The following SLC6A16 variants were observed in gnomAD, a reference collection of about 807,000 sequenced individuals.
SLC6A16 encodes solute carrier family 6 member 16.
A neutral mutation model predicts 65.4 loss-of-function variants in SLC6A16; 54 were observed. The observed-to-expected ratio is 0.83, with a 90% CI of 0.66 to 1.04. The LOEUF is 1.04. Ranked by LOEUF, SLC6A16 falls within the 50% of genes least tolerant of loss-of-function variation. The pLI, the probability that SLC6A16 is intolerant of heterozygous loss-of-function variation, is 0.00. For synonymous variants in SLC6A16, 330 were observed against 346.5 expected, an observed-to-expected ratio of 0.95 and a Z score of 0.53; for missense variants, 816 against 914.0, an observed-to-expected ratio of 0.89 and a Z score of 1.38.
upstream of SLC6A16, among the ~76,000 whole-genome samples, chr19:49,325,723 T>C (rs894128798): frequency 2.0e-5 from 3 of 152,240 alleles, no homozygotes; most frequent in Admixed American, 2.0e-4. Context: ...ACTCCAATAA[T>C]TTATGAGTTA....
chr19:49,320,626 C>T (rs893596912), intron 1 of SLC6A16, among the ~76,000 whole-genome samples: 1 of 151,582 alleles, frequency 6.6e-6, no homozygotes, highest in Admixed American at 6.6e-5. Flanking sequence ...ACTAGATGTA[C>T]TAAGAAAAAA....
At chr19:49,295,690 C>A (rs947041390) in intron 7 of SLC6A16, among the ~76,000 whole-genome samples, 1 of 152,092 alleles carries the variant, frequency 6.6e-6, no homozygotes, top group African/African-American at 2.4e-5. Flanking sequence ...ATACTTTGTC[C>A]CAAAGATGTA....
At chr19:49,294,682 G>A in intron 7 of SLC6A16, 129 bp from the exon 8 acceptor site, 1 of 868,078 alleles carries the variant, frequency 1.2e-6, no homozygotes, top group Non-Finnish European at 1.7e-6. Context: ...GATAGAGCCT[G>A]GGATGAATCC....
the SLC6A16 span, chr19:49,340,246 TA>T: frequency 6.2e-7 from 1 of 1,610,044 alleles, no homozygotes; most frequent in Non-Finnish European, 8.5e-7. Flanking sequence ...CTCCTTTCTC[TA>T]TAGCTCGGGT....
At chr19:49,298,996 C>T (rs1180235741) in intron 7 of SLC6A16, among the ~76,000 whole-genome samples, 1 of 152,134 alleles carries the variant, frequency 6.6e-6, no homozygotes, top group African/African-American at 2.4e-5. Flanking sequence ...CCTGTAATCC[C>T]AGCATTTGGG....
chr19:49,310,452 G>A lies in SLC6A16; in HGVS notation c.474C>T (p.Phe158=). 3.1e-6 allele frequency: 5 copies of A among 1,614,160 alleles called. No homozygotes were observed. Among genetic ancestry groups the A allele is most frequent in the South Asian group, 1.1e-5 (1 of 91,074 alleles). The change falls in exon 3 of 12, where the codon TTC becomes TTT. Residue 158 remains phenylalanine (F), a synonymous_variant. Transcript: ENST00000335875. The part of the protein sequence containing the change: ...MLFLVGVPLL[F]LEMAAGQSMR... ...TGCTCTGACCAGCTGCCATCTCCAG[G>A]AAGAGAAGAGGAACCCCGACCAGGA... is the stretch of plus-strand genomic sequence containing the variant.
At chr19:49,309,966 T>C (rs1970480301) in intron 4 of SLC6A16, 74 bp downstream of exon 4, 1 of 1,545,338 alleles carries the variant, frequency 6.5e-7, no homozygotes, top group Admixed American at 1.7e-5. Flanking sequence ...CTCCCCACTC[T>C]CTCCTATTCC....
intron 7 of SLC6A16, among the ~76,000 whole-genome samples, chr19:49,299,840 T>C (rs1279674190): frequency 1.3e-5 from 2 of 151,488 alleles, no homozygotes; most frequent in Admixed American, 6.6e-5. Context: ...CTGGCCAACA[T>C]GGTGAAACCC....
chr19:49,294,857 C>T (rs1355727612), intron 7 of SLC6A16, among the ~76,000 whole-genome samples: 1 of 152,100 alleles, frequency 6.6e-6, no homozygotes, highest in African/African-American at 2.4e-5. Context: ...TCCCTCTCCA[C>T]TGAGACTAAC....
chr19:49,327,585 G>A (rs1403981692), upstream of SLC6A16, among the ~76,000 whole-genome samples: 1 of 152,202 alleles, frequency 6.6e-6, no homozygotes, highest in Non-Finnish European at 1.5e-5. Flanking sequence ...ATTGAATGAT[G>A]TGCCCCACAC....
chr19:49,303,305 G>C (rs79406586), intron 7 of SLC6A16, among the ~76,000 whole-genome samples: 1 of 152,130 alleles, frequency 6.6e-6, no homozygotes, highest in Non-Finnish European at 1.5e-5. Context: ...GAGAGAGTAA[G>C]ATGATATATT....
Position 49,299,459 on chromosome 19 carries a change from C to T in SLC6A16, c.1230-4906G>A, listed in dbSNP as rs143551750. 4.2e-3 allele frequency among the ~76,000 whole-genome samples: 634 copies of T among 149,314 alleles called. 5 individuals carry two copies. Among genetic ancestry groups the T allele is most frequent in the African/African-American group, 0.015 (601 of 40,416 alleles). ...GTCCCAGCTACTCAGGAGGCTGAGG[C>T]ACAAGAATTGCTTGAACCTGGGAGG... On this transcript the variant is annotated intron_variant, in intron 7 of 11. Transcript: ENST00000335875.
At chr19:49,326,299 G>A (rs1364151474), upstream of SLC6A16, among the ~76,000 whole-genome samples, 2 of 152,186 alleles carry the variant, frequency 1.3e-5, no homozygotes, top group Non-Finnish European at 2.9e-5. Flanking sequence ...TGCACTGAGT[G>A]TGTCAAAATA....
chr19:49,334,348 T>A, the SLC6A16 span, among the ~76,000 whole-genome samples: 1 of 151,512 alleles, frequency 6.6e-6, no homozygotes, highest in Admixed American at 6.6e-5. Flanking sequence ...TAGCCAGGCA[T>A]GGTGGTGTGC....
intron 1 of SLC6A16, chr19:49,312,561 C>T (rs894583077): frequency 1.0e-6 from 1 of 984,904 alleles, no homozygotes; most frequent in Non-Finnish European, 1.2e-6. Flanking sequence ...TCCCGCCACT[C>T]TGAACTTCTG....
chr19:49,320,137 A>G (rs1257325070), intron 1 of SLC6A16, among the ~76,000 whole-genome samples: 1 of 152,184 alleles, frequency 6.6e-6, no homozygotes, highest in Non-Finnish European at 1.5e-5. Flanking sequence ...GGCCGGATGC[A>G]GTGGCTCACG....
intron 7 of SLC6A16, among the ~76,000 whole-genome samples, chr19:49,297,264 G>C (rs776569910): frequency 1.6e-4 from 24 of 152,120 alleles, no homozygotes; most frequent in Admixed American, 6.5e-4. Context: ...ATGGACAGTA[G>C]ACTTGAAAAG....
At position 49,313,106 on chromosome 19, in the gene SLC6A16, G is replaced by A. The variant is rs137983503; in HGVS notation, c.-64-1695C>T. Among the ~76,000 whole-genome samples the A allele has an allele frequency of 5.7e-5, 8 of 141,256 alleles. No homozygotes were observed. The East Asian group carries it at 1.6e-3, about 28-fold the overall frequency. 92.7% of individuals were successfully genotyped at this position (141,256 alleles called of 152,430 possible). A position where few individuals can be genotyped will look rare whatever the true frequency, so the allele number is the denominator to read the frequency against. ...AAAAAAAAAAAAAAAGACGATGATG[G>A]CTACAAATATGTTTATATCCTTATC... On this transcript the variant is annotated intron_variant, in intron 1 of 11. Transcript: ENST00000335875.
chr19:49,336,545 G>C, the SLC6A16 span: 1 of 200,450 alleles, frequency 5.0e-6, no homozygotes, highest in South Asian at 8.0e-5. Context: ...GGGACAGAGC[G>C]AGGCTCCAAC....
Sources: gnomAD v4.1 joint callset for allele counts (sites outside exome capture counted in the v4.1 genomes callset) on GRCh38, gnomAD v4.1.1 for gene constraint, MANE v1.5 for transcripts, NCBI Gene and HGNC (gene_info 2026-07-23, HGNC 2026-07-21) for gene names.